The following DICER1 variants were observed in gnomAD, a reference collection of about 807,000 sequenced individuals.
DICER1 encodes the protein dicer 1, ribonuclease III.
DICER1 carries 43 observed loss-of-function variants against 194.1 expected under a neutral mutation model. The observed-to-expected ratio is 0.22, with a 90% CI of 0.17 to 0.29. The LOEUF is 0.29. Among genes scored for constraint, DICER1 ranks in the 10% least tolerant of loss-of-function variants. The pLI is 1.00. For missense variants in DICER1, 1,608 were observed against 2,317.0 expected (o/e 0.69, Z 6.28); for synonymous variants, 832 against 820.5 (o/e 1.01, Z -0.24).
At chr14:95,137,850 GT>G (rs1894520794) in intron 1 of DICER1, 1 of 154,530 alleles carries the variant, frequency 6.5e-6, no homozygotes. Context: ...AAAGCCGCTT[GT>G]TTCGGAAACA....
At chr14:95,117,873 G>C in intron 8 of DICER1, 119 bp from the exon 9 acceptor site, 1 of 908,682 alleles carries the variant, frequency 1.1e-6, no homozygotes, top group Admixed American at 2.3e-5. Context: ...CTAACAAAAC[G>C]GTCTTGGTCC....
intron 8 of DICER1, among the ~76,000 whole-genome samples, chr14:95,119,183 T>G (rs1227074188): frequency 6.6e-6 from 1 of 152,232 alleles, no homozygotes; most frequent in Non-Finnish European, 1.5e-5. Context: ...TTTAACTTAC[T>G]GTTAATTAGG....
intron 1 of DICER1, among the ~76,000 whole-genome samples, chr14:95,137,202 G>A (rs1250454901): frequency 1.3e-5 from 2 of 148,842 alleles, no homozygotes; most frequent in African/African-American, 5.0e-5. Flanking sequence ...AAGGGGAAGG[G>A]GAAAGGAAAA....
chr14:95,153,186 C>T (rs1595515201), intron 1 of DICER1, among the ~76,000 whole-genome samples: 2 of 150,058 alleles, frequency 1.3e-5, no homozygotes, highest in East Asian at 2.0e-4. Context: ...CACTGCACTC[C>T]AGCCTGGGCA....
At chr14:95,100,246 G>A (rs922957238) in intron 21 of DICER1, among the ~76,000 whole-genome samples, 1 of 152,118 alleles carries the variant, frequency 6.6e-6, no homozygotes, top group Non-Finnish European at 1.5e-5. Flanking sequence ...CAATATCAAA[G>A]CCTTGAAAAT....
intron 4 of DICER1, among the ~76,000 whole-genome samples, chr14:95,130,414 G>A (rs966622434): frequency 2.9e-4 from 44 of 152,192 alleles, no homozygotes; most frequent in African/African-American, 1.0e-3. Context: ...CTTGATAATG[G>A]AAAGCATGTC....
At position 95,108,276 on chromosome 14, in the gene DICER1, T is replaced by C. The variant is rs760903856; in HGVS notation, c.2436+48A>G. ...CTACTAGTTTTTTTTTTTTTCCTTT[T>C]CCTAAGCAAGACGTTTTTGACATAA... On this transcript the variant is annotated intron_variant, in intron 15 of 26. Coordinates refer to ENST00000343455, the MANE Select transcript of DICER1 (RefSeq NM_177438.3). 2.7e-5 allele frequency: 43 copies of C among 1,580,116 alleles called. No homozygotes were observed. In the African/African-American group the frequency reaches 5.7e-4, roughly 21 times the overall value.
At chr14:95,107,823 A>C in intron 16 of DICER1, 57 bp downstream of exon 16, 1 of 1,608,910 alleles carries the variant, frequency 6.2e-7, no homozygotes, top group Non-Finnish European at 8.5e-7. Context: ...TTTCATACCA[A>C]AGCTGTATGT....
At position 95,117,603 on chromosome 14, in the gene DICER1, T is replaced by A; in HGVS notation, c.1509+19A>T. 1 of 1,613,892 alleles carries A rather than the reference T, an allele frequency of 6.2e-7. No individual in the cohort carries two copies. Among genetic ancestry groups the A allele is most frequent in the South Asian group, 1.1e-5 (1 of 91,080 alleles). ...TGTCCCGAAAACTGTTATTGTACACTTATTTTGATTTAAGTTACCTCTTCC... is the reference window on the plus strand; with the variant it reads ...TGTCCCGAAAACTGTTATTGTACACATATTTTGATTTAAGTTACCTCTTCC... On this transcript the variant is annotated intron_variant, in intron 9 of 26. Transcript: ENST00000343455.
intron 1 of DICER1, among the ~76,000 whole-genome samples, chr14:95,139,062 A>C (rs906515985): frequency 5.3e-5 from 8 of 151,964 alleles, no homozygotes; most frequent in African/African-American, 1.9e-4. Context: ...TTTCCACAAC[A>C]GAAGAGTAAT....
intron 1 of DICER1, among the ~76,000 whole-genome samples, chr14:95,155,512 A>C (rs1212022116): frequency 1.3e-5 from 2 of 152,224 alleles, no homozygotes; most frequent in Admixed American, 1.3e-4. Flanking sequence ...AATGTCTTCT[A>C]AAACCAAGAC....
intron 1 of DICER1, chr14:95,134,356 C>T (rs1194551040): frequency 1.3e-5 from 2 of 152,130 alleles, no homozygotes; most frequent in Non-Finnish European, 2.9e-5. Context: ...CTTTAAAATT[C>T]CTACCCTTCA....
chr14:95,094,927 T>C (rs1464140535), intron 23 of DICER1, among the ~76,000 whole-genome samples: 4 of 151,912 alleles, frequency 2.6e-5, no homozygotes, highest in Admixed American at 6.6e-5. Flanking sequence ...CAGGGACTGC[T>C]AGGCGAGAAC....
intron 21 of DICER1, among the ~76,000 whole-genome samples, chr14:95,101,941 T>C (rs1252503488): frequency 1.3e-5 from 2 of 152,192 alleles, no homozygotes; most frequent in African/African-American, 4.8e-5. Flanking sequence ...AGCCAGGCTG[T>C]CTGGATTCGA....
At chr14:95,115,524 G>A in intron 11 of DICER1, 143 bp downstream of exon 11, 1 of 917,080 alleles carries the variant, frequency 1.1e-6, no homozygotes. Context: ...AATGAAAAAA[G>A]AAGTAACTTT....
chr14:95,130,912 C>T (rs900164634), intron 4 of DICER1, among the ~76,000 whole-genome samples: 2 of 152,154 alleles, frequency 1.3e-5, no homozygotes, highest in African/African-American at 4.8e-5. Context: ...TTTTTGAAAG[C>T]GCATTATCAG....
intron 1 of DICER1, among the ~76,000 whole-genome samples, chr14:95,153,728 C>G (rs1895665674): frequency 6.6e-6 from 1 of 152,130 alleles, no homozygotes; most frequent in Non-Finnish European, 1.5e-5. Context: ...TAATACTTTC[C>G]TATTATAAGA....
chr14:95,144,971 C>T (rs1344649316), intron 1 of DICER1, among the ~76,000 whole-genome samples: 1 of 152,176 alleles, frequency 6.6e-6, no homozygotes, highest in African/African-American at 2.4e-5. Context: ...CCTTTTCTAC[C>T]AATGGTTTCC....
intron 1 of DICER1, among the ~76,000 whole-genome samples, chr14:95,149,050 A>T (rs1277900297): frequency 6.6e-6 from 1 of 152,114 alleles, no homozygotes; most frequent in Non-Finnish European, 1.5e-5. Flanking sequence ...CAGCCTCCTG[A>T]GCAGCTGAGA....
Sources: gnomAD v4.1 joint callset for allele counts (sites outside exome capture counted in the v4.1 genomes callset) on GRCh38, gnomAD v4.1.1 for gene constraint, MANE v1.5 for transcripts, NCBI Gene and HGNC (gene_info 2026-07-23, HGNC 2026-07-21) for gene names.